The following MAGI2 variants were observed in gnomAD, a reference collection of about 807,000 sequenced individuals.
The protein encoded by MAGI2 is membrane-associated guanylate kinase, WW and PDZ domain-containing protein 2.
MAGI2 carries 35 observed loss-of-function variants against 133.3 expected under a neutral mutation model. That is an observed-to-expected ratio of 0.26 (90% CI 0.20 to 0.35). The LOEUF (loss-of-function observed/expected upper bound fraction) is 0.35. Among genes scored for constraint, MAGI2 ranks in the 10% least tolerant of loss-of-function variants. The pLI, the probability that MAGI2 is intolerant of heterozygous loss-of-function variation, is 1.00. For synonymous variants in MAGI2, 729 were observed against 710.6 expected, an observed-to-expected ratio of 1.03 and a Z score of -0.41; for missense variants, 1,636 against 1,863.4, an observed-to-expected ratio of 0.88 and a Z score of 2.25.
At chr7:78,369,134 A>C in intron 7 of MAGI2, 22 bp downstream of exon 7, 1 of 1,535,278 alleles carries the variant, frequency 6.5e-7, no homozygotes, top group Non-Finnish European at 8.9e-7. Context: ...ATAACAAGTT[A>C]ATATCACACT....
chr7:78,222,181 T>C (rs1479918208), intron 10 of MAGI2, among the ~76,000 whole-genome samples: 1 of 152,172 alleles, frequency 6.6e-6, no homozygotes, highest in East Asian at 1.9e-4. Flanking sequence ...AGAATGTGCC[T>C]GAAATATGCC....
intron 1 of MAGI2, among the ~76,000 whole-genome samples, chr7:79,018,008 T>C (rs1048325815): frequency 6.6e-6 from 1 of 152,096 alleles, no homozygotes; most frequent in Non-Finnish European, 1.5e-5. Flanking sequence ...TTGGAAAACA[T>C]ATTTCAGAAT....
chr7:78,847,581 G>C (rs560683628), intron 2 of MAGI2, among the ~76,000 whole-genome samples: 1 of 152,008 alleles, frequency 6.6e-6, no homozygotes, highest in African/African-American at 2.4e-5. Context: ...CAAATGATTC[G>C]AGGTACAACC....
intron 6 of MAGI2, among the ~76,000 whole-genome samples, chr7:78,377,664 AAAAAAT>A (rs1794572020): frequency 1.3e-5 from 2 of 151,516 alleles, no homozygotes; most frequent in Non-Finnish European, 2.9e-5. Context: ...AATAAAAAAT[AAAAAAT>A]AAAAATAAAA....
At chr7:79,074,476 A>G (rs536178942) in intron 1 of MAGI2, among the ~76,000 whole-genome samples, 1 of 152,304 alleles carries the variant, frequency 6.6e-6, no homozygotes, top group East Asian at 1.9e-4. Context: ...TTCAAAAGTT[A>G]TTCTTAATGT....
At chr7:78,982,686 T>C (rs906973527) in intron 2 of MAGI2, among the ~76,000 whole-genome samples, 1 of 151,848 alleles carries the variant, frequency 6.6e-6, no homozygotes, top group African/African-American at 2.4e-5. Context: ...AATACACTTT[T>C]TTATTATATA....
chr7:78,191,769 C>A (rs1334283702), intron 12 of MAGI2, among the ~76,000 whole-genome samples: 1 of 152,188 alleles, frequency 6.6e-6, no homozygotes, highest in Non-Finnish European at 1.5e-5. Flanking sequence ...TGTTCTGTTT[C>A]ACGTGGCCGT....
intron 1 of MAGI2, among the ~76,000 whole-genome samples, chr7:79,335,488 T>C (rs1473906113): frequency 1.3e-5 from 2 of 152,034 alleles, no homozygotes; most frequent in East Asian, 1.9e-4. Context: ...AGGCAAGATA[T>C]ATGCAGTAAT....
chr7:78,259,271 G>A (rs1005681179), intron 9 of MAGI2, among the ~76,000 whole-genome samples: 8 of 151,996 alleles, frequency 5.3e-5, no homozygotes, highest in African/African-American at 1.9e-4. Context: ...AGGTTCAGGA[G>A]GCTGCAAGGT....
intron 2 of MAGI2, among the ~76,000 whole-genome samples, chr7:78,775,508 A>G (rs11977371): frequency 6.6e-6 from 1 of 151,902 alleles, no homozygotes; most frequent in Admixed American, 6.6e-5. Flanking sequence ...ACTTTTTCAC[A>G]TCTGTGCCTT....
intron 6 of MAGI2, among the ~76,000 whole-genome samples, chr7:78,480,414 C>T (rs1035183831): frequency 4.0e-5 from 6 of 151,644 alleles, no homozygotes; most frequent in Admixed American, 4.0e-4. Flanking sequence ...TCTCAATAGA[C>T]ACAAAATCAC....
chr7:79,112,075 G>A (rs80105373), intron 1 of MAGI2, among the ~76,000 whole-genome samples: 3,195 of 151,852 alleles, frequency 0.021, 123 homozygotes, highest in African/African-American at 0.073. Flanking sequence ...ACACAACACC[G>A]AGAGGTATAG....
chr7:79,426,278 C>CT (rs1424203274), intron 1 of MAGI2, among the ~76,000 whole-genome samples: 2 of 152,194 alleles, frequency 1.3e-5, no homozygotes, highest in African/African-American at 4.8e-5. Flanking sequence ...GAAACATGCT[C>CT]TTGACTAAAT....
chr7:79,311,805 T>C (rs1838315082), intron 1 of MAGI2, among the ~76,000 whole-genome samples: 1 of 152,160 alleles, frequency 6.6e-6, no homozygotes, highest in South Asian at 2.1e-4. Context: ...TTACAGAGCC[T>C]TTCCCATCTC....
At chr7:78,637,643 A>G (rs1486935254) in intron 2 of MAGI2, among the ~76,000 whole-genome samples, 1 of 152,228 alleles carries the variant, frequency 6.6e-6, no homozygotes, top group Non-Finnish European at 1.5e-5. Context: ...AAATCAGGTG[A>G]TAGGTAACAT....
chr7:78,792,018 T>C (rs761402196), intron 2 of MAGI2, among the ~76,000 whole-genome samples: 1 of 152,222 alleles, frequency 6.6e-6, no homozygotes, highest in Non-Finnish European at 1.5e-5. Flanking sequence ...TCACAGTGCT[T>C]ATCACTTCAC....
At chr7:78,510,509 A>C (rs545979296) in intron 4 of MAGI2, among the ~76,000 whole-genome samples, 5 of 152,340 alleles carry the variant, frequency 3.3e-5, no homozygotes, top group Non-Finnish European at 7.3e-5. Flanking sequence ...TTCTGCCTAC[A>C]GAAACAAAAG....
chr7:78,887,287 A>T (rs1796344906), intron 2 of MAGI2, among the ~76,000 whole-genome samples: 1 of 152,232 alleles, frequency 6.6e-6, no homozygotes. Flanking sequence ...TATCATTAAC[A>T]TTCTTTAAAC....
Position 78,920,677 on chromosome 7 carries a change from A to G in MAGI2, c.418+86413T>C, listed in dbSNP as rs1159940760. Among the ~76,000 whole-genome samples the G allele has an allele frequency of 5.3e-5, 8 of 152,130 alleles. No homozygotes were observed. The South Asian group carries it at 1.0e-3, about 20-fold the overall frequency. ...ATATCCTCCAAGCTAATTTTTTCCT[A>G]TCTTTCACCTTTTTTCCTCTTCTAA... is the stretch of plus-strand genomic sequence containing the variant. On this transcript the variant is annotated intron_variant, in intron 2 of 21. Coordinates refer to ENST00000354212, the MANE Select transcript of MAGI2 (RefSeq NM_012301.4).
Sources: gnomAD v4.1 joint callset for allele counts (sites outside exome capture counted in the v4.1 genomes callset) on GRCh38, gnomAD v4.1.1 for gene constraint, MANE v1.5 for transcripts, NCBI Gene and HGNC (gene_info 2026-07-23, HGNC 2026-07-21) for gene names.